The following SYT1 variants were observed in gnomAD, a reference collection of about 807,000 sequenced individuals.
SYT1 encodes the protein synaptotagmin-1.
In SYT1, 8 loss-of-function variants were observed where a neutral mutation model predicts 44.8. The ratio of observed to expected loss-of-function variants is 0.18; its 90% CI spans 0.10 to 0.32. The LOEUF is 0.32. Ranked by LOEUF, SYT1 falls within the 10% of genes least tolerant of loss-of-function variation. The pLI, the probability that SYT1 is intolerant of heterozygous loss-of-function variation, is 1.00. For synonymous variants in SYT1, 154 were observed against 188.8 expected, an observed-to-expected ratio of 0.82 and a Z score of 1.51; for missense variants, 286 against 509.3, an observed-to-expected ratio of 0.56 and a Z score of 4.22.
intron 9 of SYT1, among the ~76,000 whole-genome samples, chr12:79,383,186 T>C (rs1439745762): frequency 6.6e-6 from 1 of 152,162 alleles, no homozygotes; most frequent in East Asian, 1.9e-4. Flanking sequence ...AACCTAGGTG[T>C]TGTAGCCTGC....
intron 3 of SYT1, among the ~76,000 whole-genome samples, chr12:79,215,918 C>CTTTTTTTTTTTTTTTTTTTTTTTT (rs71091653): frequency 1.3e-5 from 1 of 76,792 alleles, no homozygotes; most frequent in Non-Finnish European, 2.3e-5. Flanking sequence ...GCATTTCTTT[C>CTTTTTTTTTTTTTTTTTTTTTTTT]TTTTTTTTTT....
chr12:79,440,484 T>A, intron 9 of SYT1, among the ~76,000 whole-genome samples: 1 of 152,146 alleles, frequency 6.6e-6, no homozygotes, highest in East Asian at 1.9e-4. Context: ...AGTAGCCCAA[T>A]TTTTTGGTTG....
At chr12:78,931,280 A>AG (rs1592574569) in intron 1 of SYT1, among the ~76,000 whole-genome samples, 1 of 95,514 alleles carries the variant, frequency 1.0e-5, no homozygotes, top group Non-Finnish European at 2.2e-5. Flanking sequence ...GGAAGGAAGG[A>AG]AGGAAGGAAG....
intron 8 of SYT1, among the ~76,000 whole-genome samples, chr12:79,309,463 A>G (rs1880652539): frequency 6.6e-6 from 1 of 152,156 alleles, no homozygotes. Context: ...GATTAGGAAA[A>G]GCATTAATAA....
intron 2 of SYT1, among the ~76,000 whole-genome samples, chr12:79,013,194 A>G (rs1871534883): frequency 6.6e-6 from 1 of 152,030 alleles, no homozygotes; most frequent in African/African-American, 2.4e-5. Context: ...TTATTTGCTT[A>G]ATATCACCTT....
At position 79,324,350 on chromosome 12, in the gene SYT1, A is replaced by T. The variant is rs553720522; in HGVS notation, c.810+24799A>T. Among the ~76,000 whole-genome samples the T allele has an allele frequency of 2.9e-4, 44 of 152,324 alleles. 1 individual carries two copies. The East Asian group carries it at 8.5e-3, about 29-fold the overall frequency. Reference sequence around the variant, plus strand: ...GTGCTTTCAGAATTCAGTCCAGTATATTATGGTTGAAGAACAGACTTACAT... The same window carrying T: ...GTGCTTTCAGAATTCAGTCCAGTATTTTATGGTTGAAGAACAGACTTACAT... On this transcript the variant is annotated intron_variant, in intron 8 of 10. Coordinates refer to ENST00000261205, the MANE Select transcript of SYT1 (RefSeq NM_005639.3).
chr12:79,317,658 G>A (rs1396948974), intron 8 of SYT1, among the ~76,000 whole-genome samples: 6 of 152,124 alleles, frequency 3.9e-5, no homozygotes, highest in Admixed American at 3.9e-4. Flanking sequence ...CGGGCGAAGT[G>A]TCAGAGCCCT....
At chr12:79,245,675 C>T (rs879752144) in intron 4 of SYT1, among the ~76,000 whole-genome samples, 1 of 152,060 alleles carries the variant, frequency 6.6e-6, no homozygotes, top group Admixed American at 6.5e-5. Flanking sequence ...TTCTGGGGAG[C>T]AACTCAGGGG....
At chr12:79,256,020 A>G (rs1397915567) in intron 4 of SYT1, among the ~76,000 whole-genome samples, 1 of 152,240 alleles carries the variant, frequency 6.6e-6, no homozygotes, top group Non-Finnish European at 1.5e-5. Flanking sequence ...ATTAAAATAT[A>G]TCCCTAGAAT....
intron 4 of SYT1, among the ~76,000 whole-genome samples, chr12:79,254,926 G>A (rs1877432510): frequency 6.6e-6 from 1 of 152,244 alleles, no homozygotes; most frequent in South Asian, 2.1e-4. Context: ...TTATGGATGA[G>A]CAAAGAAAGT....
chr12:78,980,647 A>G (rs1419563689), intron 2 of SYT1, among the ~76,000 whole-genome samples: 3 of 152,202 alleles, frequency 2.0e-5, no homozygotes, highest in Non-Finnish European at 4.4e-5. Flanking sequence ...CCCAGATTCA[A>G]TTTTATGAAA....
At chr12:78,929,790 G>A (rs12228502) in intron 1 of SYT1, among the ~76,000 whole-genome samples, 13,869 of 152,134 alleles carry the variant, frequency 0.091, 962 homozygotes, top group East Asian at 0.31. Context: ...TGTGAGAAAT[G>A]TAAGCTGCAA....
intron 3 of SYT1, among the ~76,000 whole-genome samples, chr12:79,179,115 G>GATATAGAT (rs1872168472): frequency 1.6e-5 from 2 of 122,810 alleles, no homozygotes; most frequent in African/African-American, 6.6e-5. Context: ...TATAGATATA[G>GATATAGAT]ATATAGATAT....
At chr12:79,290,039 A>C (rs1460244356) in intron 5 of SYT1, among the ~76,000 whole-genome samples, 1 of 152,188 alleles carries the variant, frequency 6.6e-6, no homozygotes, top group African/African-American at 2.4e-5. Flanking sequence ...TTTAACATTC[A>C]AAGAAACAAT....
intron 1 of SYT1, among the ~76,000 whole-genome samples, chr12:78,893,076 C>T (rs1315537641): frequency 6.6e-6 from 1 of 151,798 alleles, no homozygotes; most frequent in Admixed American, 6.6e-5. Flanking sequence ...CAGATAAATG[C>T]AATGGCTGCC....
chr12:78,865,317 C>T (rs916954161), intron 1 of SYT1, among the ~76,000 whole-genome samples: 2 of 152,128 alleles, frequency 1.3e-5, no homozygotes, highest in Non-Finnish European at 2.9e-5. Flanking sequence ...TGATTTAGAG[C>T]CTGGAGTTGA....
chr12:78,921,969 C>A (rs1979365), intron 1 of SYT1, among the ~76,000 whole-genome samples: 2 of 149,458 alleles, frequency 1.3e-5, no homozygotes, highest in Non-Finnish European at 3.0e-5. Flanking sequence ...AAATTATATG[C>A]TTAAATCAAA....
intron 6 of SYT1, among the ~76,000 whole-genome samples, chr12:79,295,045 A>G (rs1879814177): frequency 1.3e-5 from 2 of 152,130 alleles, no homozygotes; most frequent in Non-Finnish European, 2.9e-5. Flanking sequence ...AAGAGGGGGA[A>G]TTGCTTTTTT....
chr12:79,188,435 G>C (rs2138439164), intron 3 of SYT1, among the ~76,000 whole-genome samples: 1 of 152,230 alleles, frequency 6.6e-6, no homozygotes, highest in Middle Eastern at 3.4e-3. Flanking sequence ...TTTTTAAGGA[G>C]AAAGAAATGG....
Sources: gnomAD v4.1 joint callset for allele counts (sites outside exome capture counted in the v4.1 genomes callset) on GRCh38, gnomAD v4.1.1 for gene constraint, MANE v1.5 for transcripts, NCBI Gene and HGNC (gene_info 2026-07-23, HGNC 2026-07-21) for gene names.